The following SVEP1 variants were observed in gnomAD, a reference collection of about 807,000 sequenced individuals.
The protein encoded by SVEP1 is sushi, von Willebrand factor type A, EGF and pentraxin domain containing 1.
Under a neutral mutation model 367.3 loss-of-function variants are expected in SVEP1, and 164 were observed. The observed-to-expected ratio is 0.45, with a 90% CI of 0.39 to 0.51. SVEP1 has a LOEUF of 0.51. Among genes scored for constraint, SVEP1 ranks in the 20% least tolerant of loss-of-function variants. SVEP1 has a pLI of 0.00. For synonymous variants in SVEP1, 1,666 were observed against 1,611.6 expected (o/e 1.03, Z -0.81); for missense variants, 4,117 against 4,425.3 (o/e 0.93, Z 1.98).
At chr9:110,390,086 T>G (rs1249766887) in intron 40 of SVEP1, among the ~76,000 whole-genome samples, 1 of 94,492 alleles carries the variant, frequency 1.1e-5, no homozygotes, top group African/African-American at 3.5e-5. Context: ...TACGTGTATA[T>G]ATACACATAC....
chr9:110,461,087 TTCATTTGAGAATTG>T (rs1319215759), intron 18 of SVEP1, among the ~76,000 whole-genome samples: 1 of 152,196 alleles, frequency 6.6e-6, no homozygotes, highest in Admixed American at 6.5e-5. Flanking sequence ...GTAAATAACA[TTCATTTGAGAATTG>T]TCATTTAACC....
At chr9:110,385,112 C>T (rs1827500589) in intron 43 of SVEP1, among the ~76,000 whole-genome samples, 1 of 152,188 alleles carries the variant, frequency 6.6e-6, no homozygotes, top group Admixed American at 6.5e-5. Flanking sequence ...GCCTGAGTAG[C>T]TGGGATTACA....
chr9:110,517,324 T>C (rs1829817635), intron 3 of SVEP1, among the ~76,000 whole-genome samples: 2 of 151,798 alleles, frequency 1.3e-5, no homozygotes, highest in Admixed American at 6.6e-5. Flanking sequence ...AGGCTGGGCA[T>C]GGGTGGCTCA....
chr9:110,552,739 C>T (rs1830306666), intron 1 of SVEP1, among the ~76,000 whole-genome samples: 1 of 152,156 alleles, frequency 6.6e-6, no homozygotes, highest in Non-Finnish European at 1.5e-5. Context: ...TGCTCACTTC[C>T]TGTTGTGTGG....
intron 41 of SVEP1, 51 bp downstream of exon 41, chr9:110,389,473 T>C (rs1465951225): frequency 6.3e-7 from 1 of 1,594,638 alleles, no homozygotes; most frequent in African/African-American, 1.3e-5. Flanking sequence ...CACACTGTTA[T>C]TTTGTGTCCT....
intron 18 of SVEP1, among the ~76,000 whole-genome samples, chr9:110,464,204 C>T (rs1454130505): frequency 6.6e-6 from 1 of 152,076 alleles, no homozygotes; most frequent in Non-Finnish European, 1.5e-5. Flanking sequence ...AATGTGAAGG[C>T]TTGTGAGACT....
chr9:110,453,502 T>C (rs928265856), intron 22 of SVEP1, among the ~76,000 whole-genome samples: 2 of 152,144 alleles, frequency 1.3e-5, no homozygotes, highest in African/African-American at 4.8e-5. Flanking sequence ...TTTACATTCC[T>C]AAAAAAGTAT....
At chr9:110,377,186 A>G (rs1339348460) in intron 45 of SVEP1, 85 bp downstream of exon 45, 1 of 1,252,876 alleles carries the variant, frequency 8.0e-7, no homozygotes, top group Non-Finnish European at 1.1e-6. Context: ...TCCCAACAGT[A>G]CAACCATTTC....
rs1828305279 is a variant in SVEP1 at position 110,428,994 on chromosome 9, G to A, written c.5807+149C>T. 1.1e-5 allele frequency: 7 copies of A among 626,204 alleles called. No homozygotes were observed. The Admixed American group carries it at 2.5e-4, about 22-fold the overall frequency. The allele number at this position is 626,204 out of a possible 1,614,324, so 38.8% of individuals were successfully genotyped here. A position where few individuals can be genotyped will look rare whatever the true frequency, so the allele number is the denominator to read the frequency against. ...TGAAGTGGGAGGATCGCTTGAGCCT[G>A]GGAGGCAGAGATTGCAGTGAGCTGA... is the stretch of plus-strand genomic sequence containing the variant. On this transcript the variant is annotated intron_variant, in intron 35 of 47. Coordinates refer to ENST00000374469, the MANE Select transcript of SVEP1 (RefSeq NM_153366.4).
intron 23 of SVEP1, among the ~76,000 whole-genome samples, chr9:110,450,809 A>G (rs2118612747): frequency 6.6e-6 from 1 of 152,108 alleles, no homozygotes; most frequent in Non-Finnish European, 1.5e-5. Context: ...CTTTTTGTTG[A>G]AATTAAGTTT....
chr9:110,376,712 A>C (rs1827355889), intron 45 of SVEP1: 1 of 152,268 alleles, frequency 6.6e-6, no homozygotes, highest in Non-Finnish European at 1.5e-5. Flanking sequence ...TGAGATATTT[A>C]AAAATTTAAC....
intron 22 of SVEP1, among the ~76,000 whole-genome samples, chr9:110,452,484 GGC>G (rs1828707913): frequency 6.6e-6 from 1 of 152,146 alleles, no homozygotes; most frequent in Admixed American, 6.6e-5. Context: ...TGCAACCATA[GGC>G]AGACGGTGGA....
intron 3 of SVEP1, among the ~76,000 whole-genome samples, chr9:110,535,394 G>C (rs535920870): frequency 1.1e-4 from 16 of 152,236 alleles, no homozygotes; most frequent in African/African-American, 2.9e-4. Context: ...TTTTGTACCA[G>C]TACCATGCTA....
intron 41 of SVEP1, 91 bp downstream of exon 41, chr9:110,389,433 T>C (rs2296779): frequency 0.21 from 320,177 of 1,491,578 alleles, 35,501 homozygotes; most frequent in Middle Eastern, 0.29. Context: ...ACATTTTAAT[T>C]ACAAAACTAA....
intron 1 of SVEP1, among the ~76,000 whole-genome samples, chr9:110,573,159 T>A (rs1363785350): frequency 6.6e-6 from 1 of 150,958 alleles, no homozygotes; most frequent in African/African-American, 2.4e-5. Flanking sequence ...GCAGATTACA[T>A]AAGTACCCCC....
Position 110,434,384 on chromosome 9 carries a change from A to C in SVEP1, c.5011T>G (p.Tyr1671Asp). The C allele has an allele frequency of 6.2e-7, 1 of 1,613,402 alleles. No homozygotes were observed. Among genetic ancestry groups the C allele is most frequent in the South Asian group, 1.1e-5 (1 of 90,904 alleles). Reference protein sequence around the residue: ...GFQLVGNPVQYCLNQGQWTQP... With the variant: ...GFQLVGNPVQDCLNQGQWTQP... ...GTCCACTGTCCTTGATTCAGACAGT[A>C]CTGCACAGGGTTCCCGACCAGCTGG... is the stretch of plus-strand genomic sequence containing the variant. The change falls in exon 30 of 48, where the codon TAC becomes GAC. Residue 1671 changes from tyrosine (Y) to aspartate (D), a missense_variant. Around this residue, in one of 4 missense-constraint regions of SVEP1, gnomAD observed 2,174 missense variants for 2,494.3 expected, o/e 0.87. Coordinates refer to ENST00000374469, the MANE Select transcript of SVEP1 (RefSeq NM_153366.4).
chr9:110,446,046 G>T lies in SVEP1; in HGVS notation c.4262-8C>A. On this transcript the variant is annotated splice_region_variant and splice_polypyrimidine_tract_variant and intron_variant, in intron 25 of 47. Transcript: ENST00000374469. ...TAAAGCCTGTAGACTGTTCTGCAAT[G>T]AATAAGAAAAGTGTGCAGACTGTGG... 1.2e-6 allele frequency: 2 copies of T among 1,600,234 alleles called. No homozygotes were observed. The highest frequency in any genetic ancestry group is 2.2e-5 in the South Asian group (2 of 89,376).
chr9:110,528,130 A>T (rs1829965037), intron 3 of SVEP1, among the ~76,000 whole-genome samples: 1 of 59,468 alleles, frequency 1.7e-5, no homozygotes, highest in Middle Eastern at 6.8e-3. Context: ...ATACATACAC[A>T]CGTGTGTGTG....
In SVEP1 at chr9:110,407,581, T is replaced by G; in HGVS notation, c.8019A>C (p.Ser2673=). 1 of 1,613,982 alleles carries G rather than the reference T, an allele frequency of 6.2e-7. No individual in the cohort carries two copies. Among genetic ancestry groups the G allele is most frequent in the Non-Finnish European group, 8.5e-7 (1 of 1,179,876 alleles). ...NTKESPATHS[S]NFLYGTMVSY... ...AAACCATGGTACCATACAGAAAGTTTGATGAATGTGTAGCAGGAGACTCCT... is the reference window on the plus strand; with the variant it reads ...AAACCATGGTACCATACAGAAAGTTGGATGAATGTGTAGCAGGAGACTCCT... The change falls in exon 38 of 48, where the codon TCA becomes TCC. Residue 2673 remains serine (S), a synonymous_variant. Coordinates refer to ENST00000374469, the MANE Select transcript of SVEP1 (RefSeq NM_153366.4).
Sources: gnomAD v4.1 joint callset for allele counts (sites outside exome capture counted in the v4.1 genomes callset) on GRCh38, gnomAD v4.1.1 for gene constraint, gnomAD v4.1.1 regional missense constraint, MANE v1.5 for transcripts, NCBI Gene and HGNC (gene_info 2026-07-23, HGNC 2026-07-21) for gene names.